TRANK1: variants seen among roughly 807,000 people sequenced by gnomAD.
TRANK1 encodes TPR and ankyrin repeat-containing protein 1.
A neutral mutation model predicts 266.0 loss-of-function variants in TRANK1; 198 were observed. That is an observed-to-expected ratio of 0.74 (90% CI 0.66 to 0.84). TRANK1 has a LOEUF of 0.84. Among genes scored for constraint, TRANK1 ranks in the 40% least tolerant of loss-of-function variants. TRANK1 has a pLI of 0.00. For missense variants in TRANK1, 3,326 were observed against 3,634.6 expected, an observed-to-expected ratio of 0.92 and a Z score of 2.18; for synonymous variants, 1,396 against 1,384.1, an observed-to-expected ratio of 1.01 and a Z score of -0.19.
rs1051235435 is a variant in TRANK1, at chr3:36,827,629, T to G, written c.*646A>C. ...CATTCTGAGGTAGTCTAACTGTGAC[T>G]TGGCACAGGTAGCTAAGAATGATCA... On this transcript the variant is annotated 3_prime_UTR_variant, in exon 24 of 24. Transcript: ENST00000645898. The G allele has an allele frequency of 1.3e-5, 2 of 152,346 alleles. No individual in the cohort carries two copies. The highest frequency in any genetic ancestry group is 4.8e-5 in the African/African-American group (2 of 41,402). The allele number at this position is 152,346 out of a possible 1,614,324, so 9.4% of individuals were successfully genotyped here. A position where few individuals can be genotyped will look rare whatever the true frequency, so the allele number is the denominator to read the frequency against.
chr3:36,879,563 T>TATATGAATATATATAAATATAC (rs1279981839), intron 8 of TRANK1, among the ~76,000 whole-genome samples: 1 of 106,686 alleles, frequency 9.4e-6, no homozygotes, highest in Non-Finnish European at 1.8e-5. Flanking sequence ...TATAAATATA[T>TATATGAATATATATAAATATAC]AAATATATAA....
intron 1 of TRANK1, among the ~76,000 whole-genome samples, chr3:36,924,152 AC>A (rs1186326670): frequency 6.6e-6 from 1 of 152,136 alleles, no homozygotes; most frequent in African/African-American, 2.4e-5. Context: ...CTGGGCGGGC[AC>A]CAGGTGAGAT....
In TRANK1 at chr3:36,889,904, T is replaced by C; in HGVS notation, c.832A>G (p.Ile278Val). 6.5e-7 allele frequency: 1 copy of C among 1,537,246 alleles called. No individual in the cohort carries two copies. Among genetic ancestry groups the C allele is most frequent in the Non-Finnish European group, 8.7e-7 (1 of 1,146,904 alleles). The change falls in exon 8 of 24, where the codon ATT becomes GTT. Residue 278 changes from isoleucine (I) to valine (V), a missense_variant. Coordinates refer to ENST00000645898, the MANE Select transcript of TRANK1 (RefSeq NM_001329998.2). ...CAGCCATCCCCATCCTTCTGGTTAA[T>C]GCGGCCTTTCCACTCGGGCTTGTGA... The part of the protein sequence containing the change: ...MDHKPEWKGR[I>V]NQKDGDGCTV...
intron 5 of TRANK1, among the ~76,000 whole-genome samples, chr3:36,895,285 C>A (rs2079772396): frequency 2.0e-5 from 3 of 152,156 alleles, no homozygotes; most frequent in Admixed American, 2.0e-4. Context: ...CCCTTGTGAG[C>A]AGCCCAGATA....
Position 36,833,639 on chromosome 3 carries a change from T to C in TRANK1, c.5944A>G (p.Thr1982Ala). 6.2e-7 allele frequency: 1 copy of C among 1,613,954 alleles called. No individual in the cohort carries two copies. Among genetic ancestry groups the C allele is most frequent in the South Asian group, 1.1e-5 (1 of 91,088 alleles). Reference protein sequence around the residue: ...HGCLLEAARLTADKDFQASCL... With the variant: ...HGCLLEAARLAADKDFQASCL... ...GAGGCCTGGAAGTCCTTGTCGGCAG[T>C]GAGCCTGGCAGCCTCCAGGAGGCAG... is the stretch of plus-strand genomic sequence containing the variant. The change falls in exon 22 of 24, where the codon ACT becomes GCT. Residue 1982 changes from threonine (T) to alanine (A), a missense_variant. Transcript: ENST00000645898.
intron 1 of TRANK1, among the ~76,000 whole-genome samples, chr3:36,920,364 G>A (rs2080198084): frequency 6.6e-6 from 1 of 152,092 alleles, no homozygotes; most frequent in Non-Finnish European, 1.5e-5. Context: ...TTTCTGTTAT[G>A]TGCCTCTCTT....
intron 1 of TRANK1, among the ~76,000 whole-genome samples, chr3:36,919,213 A>G (rs78846587): frequency 0.012 from 1,834 of 152,350 alleles, 16 homozygotes; most frequent in Middle Eastern, 0.048. Context: ...GTGTTCAGCT[A>G]TGATTTTTAT....
chr3:36,918,518 A>AAG (rs1559473271), intron 1 of TRANK1, among the ~76,000 whole-genome samples: 2 of 35,328 alleles, frequency 5.7e-5, no homozygotes, highest in Admixed American at 3.3e-4. Context: ...AAAGAAAGAA[A>AAG]GAAAGAAAGA....
intron 1 of TRANK1, among the ~76,000 whole-genome samples, chr3:36,938,336 A>G (rs992012857): frequency 2.6e-4 from 40 of 152,082 alleles, no homozygotes; most frequent in Non-Finnish European, 2.8e-4. Context: ...CTCCAGCCTC[A>G]GCCTCCTGAG....
intron 8 of TRANK1, among the ~76,000 whole-genome samples, chr3:36,874,952 G>A (rs1433835632): frequency 6.6e-6 from 1 of 150,912 alleles, no homozygotes; most frequent in Non-Finnish European, 1.5e-5. Context: ...AATTCCATAT[G>A]TAAGCTTTCC....
intron 8 of TRANK1, among the ~76,000 whole-genome samples, chr3:36,882,702 A>G (rs2125591920): frequency 6.6e-6 from 1 of 152,334 alleles, no homozygotes; most frequent in Middle Eastern, 3.4e-3. Flanking sequence ...GTCAGAAGAC[A>G]ACTGACAAAC....
At chr3:36,880,928 A>C (rs7633292) in intron 8 of TRANK1, among the ~76,000 whole-genome samples, 43,141 of 123,842 alleles carry the variant, frequency 0.35, 7,875 homozygotes, top group East Asian at 0.59. Context: ...GTGTGATGTT[A>C]CCCTAATTGG....
intron 9 of TRANK1, 105 bp from the exon 10 acceptor site, chr3:36,864,585 G>T: frequency 9.3e-7 from 1 of 1,078,796 alleles, no homozygotes; most frequent in East Asian, 2.8e-5. Flanking sequence ...CACATGCTGT[G>T]CAGTGTGACT....
rs773414422 is a variant in TRANK1 at position 36,833,495 on chromosome 3, C to A, written c.6088G>T (p.Ala2030Ser). 2 of 1,613,936 alleles carry A rather than the reference C, an allele frequency of 1.2e-6. No homozygotes were observed. The highest frequency in any genetic ancestry group is 2.2e-5 in the South Asian group (2 of 91,076). ...ACCCCTTGCAGGAAGTGGGCCTCCGCAATGCCAGACAACTGGCCAGTTTGA... is the reference window on the plus strand; with the variant it reads ...ACCCCTTGCAGGAAGTGGGCCTCCGAAATGCCAGACAACTGGCCAGTTTGA... The part of the protein sequence containing the change: ...CYQTGQLSGI[A>S]EAHFLQGVIL... The change falls in exon 22 of 24, where the codon GCG (alanine) becomes TCG (serine). Residue 2030 changes from alanine (A) to serine (S), a missense_variant. Transcript: ENST00000645898.
intron 2 of TRANK1, among the ~76,000 whole-genome samples, chr3:36,905,245 C>T (rs1459359532): frequency 4.7e-5 from 7 of 148,780 alleles, no homozygotes; most frequent in Admixed American, 3.4e-4. Context: ...GAGCCGAGAT[C>T]GTGCCGTTGC....
intron 13 of TRANK1, among the ~76,000 whole-genome samples, chr3:36,854,197 C>T: frequency 6.6e-6 from 1 of 152,030 alleles, no homozygotes; most frequent in East Asian, 1.9e-4. Context: ...CCCATCTCTA[C>T]TAAAAATACA....
chr3:36,844,570 A>C (rs1313235866), intron 17 of TRANK1, among the ~76,000 whole-genome samples: 3 of 152,172 alleles, frequency 2.0e-5, no homozygotes, highest in Admixed American at 6.5e-5. Context: ...TTGGGGAATA[A>C]AGGGGGATGA....
chr3:36,898,452 A>G (rs2079825412), intron 4 of TRANK1, among the ~76,000 whole-genome samples: 1 of 151,882 alleles, frequency 6.6e-6, no homozygotes, highest in Non-Finnish European at 1.5e-5. Context: ...TCCATCTCAA[A>G]CAAAAAAAGA....
chr3:36,864,357 A>G lies in TRANK1; in HGVS notation c.1202T>C (p.Val401Ala), dbSNP rs1361215828. The G allele has an allele frequency of 2.0e-6, 3 of 1,536,790 alleles. No individual in the cohort carries two copies. Among genetic ancestry groups the G allele is most frequent in the Admixed American group, 2.0e-5 (1 of 50,896 alleles). The change falls in exon 10 of 24, where the codon GTA (valine) becomes GCA (alanine). Residue 401 changes from valine to alanine, a missense_variant. Transcript: ENST00000645898. ...LLHKNFLKQE[V>A]VQRFLRLLST... ...AAGGAGACGCAAGAACCTCTGAACTACTTCCTGCTTCAGAAAGTTTTTATG... is the reference window on the plus strand; with the variant it reads ...AAGGAGACGCAAGAACCTCTGAACTGCTTCCTGCTTCAGAAAGTTTTTATG...
Sources: allele counts gnomAD v4.1 joint callset (sites outside exome capture counted in the v4.1 genomes callset), GRCh38; gene constraint gnomAD v4.1.1; transcripts MANE v1.5; gene names NCBI Gene and HGNC (gene_info 2026-07-23, HGNC 2026-07-21).